The following PHACTR2 variants were observed in gnomAD, a reference collection of about 807,000 sequenced individuals.
PHACTR2 encodes chromosome 6 open reading frame 56.
Under a neutral mutation model 76.0 loss-of-function variants are expected in PHACTR2, and 30 were observed. That is an observed-to-expected ratio of 0.39 (90% CI 0.30 to 0.54). The LOEUF is 0.54. Ranked by LOEUF, PHACTR2 falls within the 20% of genes least tolerant of loss-of-function variation. PHACTR2 has a pLI of 0.61. For synonymous variants in PHACTR2, 292 were observed against 292.5 expected (o/e 1.00, Z 0.02); for missense variants, 696 against 781.1 (o/e 0.89, Z 1.30).
At chr6:143,584,004 T>A (rs975640414) in intron 1 of PHACTR2, among the ~76,000 whole-genome samples, 2 of 152,216 alleles carry the variant, frequency 1.3e-5, no homozygotes, top group African/African-American at 4.8e-5. Context: ...CAAATGGTGG[T>A]TGAGGCTCTT....
chr6:143,779,891 T>G (rs889952505), intron 9 of PHACTR2, among the ~76,000 whole-genome samples: 4 of 140,608 alleles, frequency 2.8e-5, no homozygotes, highest in Non-Finnish European at 6.1e-5. Context: ...ACATATTACA[T>G]ATACGTATTT....
At position 143,761,456 on chromosome 6, in the gene PHACTR2, A is replaced by G. The variant is rs1363333851; in HGVS notation, c.694+816A>G. 1.3e-5 allele frequency among the ~76,000 whole-genome samples: 2 copies of G among 152,160 alleles called. No homozygotes were observed. The highest frequency in any genetic ancestry group is 3.8e-4 in the East Asian group (2 of 5,198). On this transcript the variant is annotated intron_variant, in intron 5 of 12. Transcript: ENST00000440869. The surrounding 1 kb of genome is among the most constrained non-coding windows in gnomAD (Gnocchi z 5.2). Reference sequence around the variant, plus strand: ...ATGCCTACCATGTCATTTATCTTTTAAAAGGACATTAATCAGGCCAGGCCC... The same window carrying G: ...ATGCCTACCATGTCATTTATCTTTTGAAAGGACATTAATCAGGCCAGGCCC...
At chr6:143,737,965 A>G (rs1210302935) in intron 2 of PHACTR2, among the ~76,000 whole-genome samples, 1 of 152,258 alleles carries the variant, frequency 6.6e-6, no homozygotes, top group Non-Finnish European at 1.5e-5. Context: ...GTCTGATTGG[A>G]TATGTAAAAT....
rs369850172 is a variant in PHACTR2, at chr6:143,765,395, G to A, written c.829G>A (p.Gly277Ser). Residue 277 changes from glycine (G) to serine (S), a missense_variant, in exon 6 of 13, where the codon GGC (glycine) becomes AGC (serine). Physicochemically the swap from Gly to Ser is moderately conservative, Grantham distance 56. Transcript: ENST00000440869. This position sits in a 1 kb window ranked among gnomAD's most constrained non-coding sequence, Gnocchi z 4.1. ...AGCAGGGACAGTGGGGACCACCAAG[G>A]GCAAGAGAAAAACTGACAAGCAGCC... ...SKAGTVGTTK[G>S]KRKTDKQPIT... 107 of 1,614,042 alleles carry A rather than the reference G, an allele frequency of 6.6e-5. No homozygotes were observed. Among genetic ancestry groups the A allele is most frequent in the South Asian group, 3.3e-4 (30 of 91,088 alleles).
chr6:143,562,092 G>A lies in PHACTR2; in HGVS notation c.217+24885G>A, dbSNP rs1775286469. 6.6e-6 allele frequency: 1 copy of A among 152,216 alleles called. No homozygotes were observed. The highest frequency in any genetic ancestry group is 2.4e-5 in the African/African-American group (1 of 41,428). The allele number at this position is 152,216 out of a possible 1,614,324, so 9.4% of individuals were successfully genotyped here. A position where few individuals can be genotyped will look rare whatever the true frequency, so the allele number is the denominator to read the frequency against. On this transcript the variant is annotated intron_variant, in intron 1 of 11. Coordinates refer to the PHACTR2 transcript ENST00000367584. This position sits in a 1 kb window ranked among gnomAD's most constrained non-coding sequence, Gnocchi z 5.1. ...ACTTCACTGAAAACTCTCACCGCCA[G>A]CCAGAGTTCCTTGTTCTTCCCTTTG... is the stretch of plus-strand genomic sequence containing the variant.
At chr6:143,600,107 T>G (rs1179703350) in intron 1 of PHACTR2, among the ~76,000 whole-genome samples, 1 of 152,212 alleles carries the variant, frequency 6.6e-6, no homozygotes, top group Non-Finnish European at 1.5e-5. Context: ...CTGCCCGCCG[T>G]CCGGCCGGCA....
rs11155310 is a variant in PHACTR2, at chr6:143,610,284, CA to C, written c.13+1973del. ...CATTTAAGATAAAACTGGTAAGTGG[CA>C]AAAAAAAAAATCTGAAAAATCTGAA... On this transcript the variant is annotated intron_variant, in intron 1 of 11. Transcript: ENST00000305766. This position sits in a 1 kb window ranked among gnomAD's most constrained non-coding sequence, Gnocchi z 4.9. 0.23 allele frequency among the ~76,000 whole-genome samples: 33,934 copies of C among 147,452 alleles called. 3,798 individuals are homozygous for C. The highest frequency in any genetic ancestry group is 0.28 in the South Asian group (1,330 of 4,682).
In PHACTR2 at chr6:143,760,216, A is replaced by G. The variant is rs1015580785; in HGVS notation, c.455-185A>G. ...AGGGTGATTCGTGTACCCTGAGAAC[A>G]CTTCTCAGTTTGTCTTTCAGCCTTT... On this transcript the variant is annotated intron_variant, in intron 4 of 12. Coordinates refer to ENST00000440869, the MANE Select transcript of PHACTR2 (RefSeq NM_001100164.2). The surrounding 1 kb of genome is among the most constrained non-coding windows in gnomAD (Gnocchi z 6.4). Among the ~76,000 whole-genome samples the G allele has an allele frequency of 6.6e-6, 1 of 152,126 alleles. No individual in the cohort carries two copies. The highest frequency in any genetic ancestry group is 2.4e-5 in the African/African-American group (1 of 41,416).
In PHACTR2 at chr6:143,671,333, G is replaced by A. The variant is rs1254090590; in HGVS notation, c.14-40683G>A. 1.3e-5 allele frequency among the ~76,000 whole-genome samples: 2 copies of A among 151,952 alleles called. No individual in the cohort carries two copies. The highest frequency in any genetic ancestry group is 1.5e-5 in the Non-Finnish European group (1 of 68,002). On this transcript the variant is annotated intron_variant, in intron 1 of 11. Transcript: ENST00000305766. The surrounding 1 kb of genome is among the most constrained non-coding windows in gnomAD (Gnocchi z 4.6). ...GTACTCCAACCACACCATTTCCCCT[G>A]GATTCCTCAAACATATGCCATGCTC...
At position 143,783,337 on chromosome 6, in the gene PHACTR2, A is replaced by C; in HGVS notation, c.1707+57A>C. ...GTGTTTTGAGATATACTTTTAAAAAAAAATACTAATCCTCTCTGTATGTGT... is the reference window on the plus strand; with the variant it reads ...GTGTTTTGAGATATACTTTTAAAAACAAATACTAATCCTCTCTGTATGTGT... On this transcript the variant is annotated intron_variant, in intron 10 of 12. Coordinates refer to ENST00000440869, the MANE Select transcript of PHACTR2 (RefSeq NM_001100164.2). This position sits in a 1 kb window ranked among gnomAD's most constrained non-coding sequence, Gnocchi z 5.2. The C allele has an allele frequency of 1.0e-6, 1 of 962,100 alleles. No homozygotes were observed. The highest frequency in any genetic ancestry group is 1.7e-6 in the Non-Finnish European group (1 of 604,740). The allele number at this position is 962,100 out of a possible 1,614,324, so 59.6% of individuals were successfully genotyped here.
At chr6:143,677,151 A>G (rs1302901736), upstream of PHACTR2, among the ~76,000 whole-genome samples, 1 of 152,208 alleles carries the variant, frequency 6.6e-6, no homozygotes, top group Non-Finnish European at 1.5e-5. Context: ...AAATGAACAC[A>G]TCCAGTAACC....
chr6:143,707,012 T>C (rs138505988), intron 1 of PHACTR2, among the ~76,000 whole-genome samples: 351 of 152,338 alleles, frequency 2.3e-3, no homozygotes, highest in African/African-American at 8.1e-3. Flanking sequence ...TAAATGTAGG[T>C]AATAAAGTTA....
At chr6:143,603,006 A>T (rs1173327022) in intron 1 of PHACTR2, among the ~76,000 whole-genome samples, 1 of 152,002 alleles carries the variant, frequency 6.6e-6, no homozygotes, top group East Asian at 1.9e-4. Context: ...CTAGCCAGAC[A>T]TGGTGGTGCA....
At chr6:143,715,118 AC>A (rs1467590183) in intron 2 of PHACTR2, among the ~76,000 whole-genome samples, 1 of 152,068 alleles carries the variant, frequency 6.6e-6, no homozygotes, top group African/African-American at 2.4e-5. Context: ...TCCTGTATTC[AC>A]CGAGGTTACT....
chr6:143,798,666 C>T (rs1040498152), intron 11 of PHACTR2, among the ~76,000 whole-genome samples: 4 of 152,120 alleles, frequency 2.6e-5, no homozygotes, highest in African/African-American at 9.7e-5. Context: ...GTCATTGGTT[C>T]TGTTTATGTG....
chr6:143,759,372 G>A (rs977591136), intron 4 of PHACTR2, among the ~76,000 whole-genome samples: 1 of 152,156 alleles, frequency 6.6e-6, no homozygotes, highest in African/African-American at 2.4e-5. Context: ...TATTTGAAAA[G>A]GCCAGGCATG....
At chr6:143,674,236 A>C (rs1777203891), upstream of PHACTR2, among the ~76,000 whole-genome samples, 2 of 152,046 alleles carry the variant, frequency 1.3e-5, no homozygotes, top group Admixed American at 1.3e-4. The surrounding 1 kb of genome is among the most constrained non-coding windows in gnomAD (Gnocchi z 4.9). Flanking sequence ...TGCTTTTTAT[A>C]TTTTTCTAAG....
At chr6:143,759,692 A>AG (rs1019031459) in intron 4 of PHACTR2, among the ~76,000 whole-genome samples, 9 of 151,496 alleles carry the variant, frequency 5.9e-5, no homozygotes, top group Non-Finnish European at 1.2e-4. Flanking sequence ...AAAAAAAAAA[A>AG]GAAAAGAAAA....
chr6:143,585,978 A>G lies in PHACTR2; in HGVS notation c.217+48771A>G, dbSNP rs543349872. 1.3e-5 allele frequency among the ~76,000 whole-genome samples: 2 copies of G among 152,288 alleles called. No homozygotes were observed. The highest frequency in any genetic ancestry group is 2.4e-5 in the African/African-American group (1 of 41,562). Reference sequence around the variant, plus strand: ...ACACATTATCATGTGCTTGGATGAGACCCTGGCCTTATGCATCATATTAAA... The same window carrying G: ...ACACATTATCATGTGCTTGGATGAGGCCCTGGCCTTATGCATCATATTAAA... On this transcript the variant is annotated intron_variant, in intron 1 of 11. Transcript: ENST00000367584. The surrounding 1 kb of genome is among the most constrained non-coding windows in gnomAD (Gnocchi z 5.2).
Sources: allele counts gnomAD v4.1 joint callset (sites outside exome capture counted in the v4.1 genomes callset), GRCh38; gene constraint gnomAD v4.1.1; non-coding constraint Gnocchi (gnomAD v3.1); transcripts MANE v1.5; gene names NCBI Gene and HGNC (gene_info 2026-07-23, HGNC 2026-07-21).